The following SLC13A3 variants were observed in gnomAD, a reference collection of about 807,000 sequenced individuals.
SLC13A3 encodes solute carrier family 13 member 3.
Under a neutral mutation model 59.0 loss-of-function variants are expected in SLC13A3, and 40 were observed. The ratio of observed to expected loss-of-function variants is 0.68; its 90% CI spans 0.53 to 0.88. The LOEUF (loss-of-function observed/expected upper bound fraction) is 0.88, where lower values mean the gene tolerates loss of function less well. Ranked by LOEUF, SLC13A3 falls within the 40% of genes least tolerant of loss-of-function variation. The pLI is 0.00. For synonymous variants in SLC13A3, 317 were observed against 330.3 expected, an observed-to-expected ratio of 0.96 and a Z score of 0.44; for missense variants, 699 against 783.2, an observed-to-expected ratio of 0.89 and a Z score of 1.28.
Position 46,584,131 on chromosome 20 carries a change from GC to G in SLC13A3, c.1122-463del, listed in dbSNP as rs945678281. On this transcript the variant is annotated intron_variant, in intron 8 of 12. Coordinates refer to ENST00000279027, the MANE Select transcript of SLC13A3 (RefSeq NM_022829.6). ...GAACCCAGATTGACCCAGCCTCTTGGCCCCTCAAAACCTAACTGTCACGTTT... is the reference window on the plus strand; with the variant it reads ...GAACCCAGATTGACCCAGCCTCTTGGCCCTCAAAACCTAACTGTCACGTTT... 2.3e-5 allele frequency: 23 copies of G among 985,276 alleles called. No individual in the cohort carries two copies. The African/African-American group carries it at 4.0e-4, about 17-fold the overall frequency. 61.0% of individuals were successfully genotyped at this position (985,276 alleles called of 1,614,324 possible).
rs768654292 is a variant in SLC13A3 at position 46,575,670 on chromosome 20, GTC to G, written c.1233_1234del (p.Glu411AspfsTer33). 6.3e-7 allele frequency: 1 copy of G among 1,595,498 alleles called. No individual in the cohort carries two copies. Among genetic ancestry groups the G allele is most frequent in the Non-Finnish European group, 8.5e-7 (1 of 1,170,398 alleles). ...CTTCTTCCAGGTCAGCAAGGGCTCT[GTC>G]TCTGTGTTGGGAGCTGGGCAGAGAG... On this transcript the variant is annotated frameshift_variant, in exon 10 of 13. Coordinates refer to ENST00000279027, the MANE Select transcript of SLC13A3 (RefSeq NM_022829.6). LOFTEE classifies it high-confidence loss of function.
At chr20:46,566,090 C>T (rs2061977280) in intron 11 of SLC13A3, 139 bp downstream of exon 11, 1 of 684,530 alleles carries the variant, frequency 1.5e-6, no homozygotes, top group Non-Finnish European at 2.6e-6. Flanking sequence ...AAAAATTGTA[C>T]TGTGGTTCTG....
At chr20:46,641,292 T>C (rs568385488) in intron 1 of SLC13A3, among the ~76,000 whole-genome samples, 1 of 152,308 alleles carries the variant, frequency 6.6e-6, no homozygotes, top group African/African-American at 2.4e-5. Context: ...ACTTTTTCAC[T>C]GAGCACCTAC....
chr20:46,568,235 A>C (rs1390810765), intron 10 of SLC13A3, among the ~76,000 whole-genome samples: 2 of 151,488 alleles, frequency 1.3e-5, no homozygotes, highest in Non-Finnish European at 2.9e-5. Flanking sequence ...CTCTACTAAA[A>C]AAAAATACAA....
At chr20:46,615,384 G>C (rs990265716) in intron 1 of SLC13A3, among the ~76,000 whole-genome samples, 2 of 152,158 alleles carry the variant, frequency 1.3e-5, no homozygotes, top group Non-Finnish European at 2.9e-5. Flanking sequence ...ACAGGTATCA[G>C]GTTACGTGGG....
At chr20:46,566,525 G>T in intron 10 of SLC13A3, 135 bp from the exon 11 acceptor site, 1 of 978,230 alleles carries the variant, frequency 1.0e-6, no homozygotes, top group Non-Finnish European at 1.5e-6. Flanking sequence ...GAGAGGGGAG[G>T]TGACGTGTCC....
intron 3 of SLC13A3, among the ~76,000 whole-genome samples, chr20:46,603,549 ATTTTT>A (rs111841623): frequency 7.9e-6 from 1 of 126,398 alleles, no homozygotes; most frequent in Non-Finnish European, 1.7e-5. Context: ...TAATTGTTGT[ATTTTT>A]TTTTTTTTTT....
At chr20:46,590,968 G>T (rs970595664) in intron 6 of SLC13A3, among the ~76,000 whole-genome samples, 1 of 151,456 alleles carries the variant, frequency 6.6e-6, no homozygotes, top group Non-Finnish European at 1.5e-5. Flanking sequence ...AGACCAGCCT[G>T]GCCAACAGAG....
At chr20:46,583,086 T>C (rs1324711693) in intron 9 of SLC13A3, 1 of 985,534 alleles carries the variant, frequency 1.0e-6, no homozygotes, top group Non-Finnish European at 1.2e-6. Flanking sequence ...GGGTCATTTT[T>C]CTGCAAAGGA....
chr20:46,660,375 AT>A (rs988096541), intron 1 of SLC13A3, among the ~76,000 whole-genome samples: 1 of 151,858 alleles, frequency 6.6e-6, no homozygotes, highest in Non-Finnish European at 1.5e-5. Context: ...TAGATTGACA[AT>A]TTTTTTTCCT....
chr20:46,633,671 T>C (rs2062766622), intron 1 of SLC13A3, among the ~76,000 whole-genome samples: 1 of 152,244 alleles, frequency 6.6e-6, no homozygotes, highest in Admixed American at 6.5e-5. Flanking sequence ...TGTTTGGCAA[T>C]TCCCTTGTTA....
Position 46,588,104 on chromosome 20 carries a change from C to T in SLC13A3, c.1076G>A (p.Arg359Gln), listed in dbSNP as rs267605966. Residue 359 changes from arginine to glutamine, a missense_variant, in exon 8 of 13, where the codon CGG becomes CAG. By Grantham distance (43) the Arg-to-Gln change is conservative. Transcript: ENST00000279027. The part of the protein sequence containing the change: ...FCMFAILLFT[R>Q]DPKFIPGWAS... ...CCAGCCAGGGATGAACTTCGGGTCC[C>T]GGGTGAAGAGGAGGATGGCAAACAT... 7.4e-6 allele frequency: 12 copies of T among 1,612,740 alleles called. No homozygotes were observed. The highest frequency in any genetic ancestry group is 3.3e-5 in the Admixed American group (2 of 59,860).
rs142128522 is a variant in SLC13A3, at chr20:46,612,497, A to T, written c.377+963T>A. Reference sequence around the variant, plus strand: ...GCAGACATCTTGAAATATCATCGACACTCAAAACTGCTCAACATTATGGGT... The same window carrying T: ...GCAGACATCTTGAAATATCATCGACTCTCAAAACTGCTCAACATTATGGGT... On this transcript the variant is annotated intron_variant, in intron 2 of 12. Transcript: ENST00000279027. 2.5e-3 allele frequency among the ~76,000 whole-genome samples: 379 copies of T among 151,702 alleles called. 3 individuals are homozygous for T. Among genetic ancestry groups the T allele is most frequent in the Non-Finnish European group, 3.8e-3 (255 of 67,946 alleles).
intron 10 of SLC13A3, among the ~76,000 whole-genome samples, chr20:46,571,653 C>T (rs150279106): frequency 7.2e-5 from 11 of 152,182 alleles, no homozygotes; most frequent in African/African-American, 2.2e-4. Flanking sequence ...CATGGAGCTT[C>T]CATTCTAGTA....
At chr20:46,561,009 T>C (rs1248518550) in intron 12 of SLC13A3, among the ~76,000 whole-genome samples, 1 of 152,194 alleles carries the variant, frequency 6.6e-6, no homozygotes, top group Non-Finnish European at 1.5e-5. Flanking sequence ...GGCCCCCAAA[T>C]TACTAAGCTA....
intron 10 of SLC13A3, among the ~76,000 whole-genome samples, chr20:46,575,048 A>G (rs1376497628): frequency 6.6e-6 from 1 of 151,656 alleles, no homozygotes; most frequent in East Asian, 1.9e-4. Flanking sequence ...GGCTGAGGTG[A>G]GAGAATTGAT....
chr20:46,660,125 T>A (rs1181966748), intron 1 of SLC13A3, among the ~76,000 whole-genome samples: 1 of 152,198 alleles, frequency 6.6e-6, no homozygotes, highest in East Asian at 1.9e-4. Flanking sequence ...CATGTATAAA[T>A]TATATAAATA....
At chr20:46,649,104 G>A (rs1411375658) in intron 1 of SLC13A3, among the ~76,000 whole-genome samples, 5 of 152,026 alleles carry the variant, frequency 3.3e-5, no homozygotes, top group Admixed American at 2.6e-4. Flanking sequence ...GGTTGTTGTG[G>A]GCATTACATG....
intron 1 of SLC13A3, among the ~76,000 whole-genome samples, chr20:46,677,939 A>G (rs981946876): frequency 2.6e-5 from 4 of 152,248 alleles, no homozygotes; most frequent in African/African-American, 9.6e-5. Context: ...AGATTTTTAC[A>G]TATGAAACAA....
Sources: gnomAD v4.1 joint callset for allele counts (sites outside exome capture counted in the v4.1 genomes callset) on GRCh38, gnomAD v4.1.1 for gene constraint, MANE v1.5 for transcripts, NCBI Gene and HGNC (gene_info 2026-07-23, HGNC 2026-07-21) for gene names.